ARHGAP6: variants seen among roughly 807,000 people sequenced by gnomAD.
ARHGAP6 encodes rho GTPase-activating protein 6.
A neutral mutation model predicts 55.7 loss-of-function variants in ARHGAP6; 16 were observed. The ratio of observed to expected loss-of-function variants is 0.29; its 90% CI spans 0.19 to 0.44. ARHGAP6 has a LOEUF of 0.44. Ranked by LOEUF, ARHGAP6 falls within the 20% of genes least tolerant of loss-of-function variation. ARHGAP6 has a pLI of 1.00. For missense variants in ARHGAP6, 698 were observed against 808.9 expected (o/e 0.86, Z 1.66); for synonymous variants, 382 against 360.9 (o/e 1.06, Z -0.66).
chrX:11,502,735 C>T (rs763471214), intron 1 of ARHGAP6, among the ~76,000 whole-genome samples: 2 of 111,253 alleles, frequency 1.8e-5, no homozygotes, highest in African/African-American at 6.5e-5. Flanking sequence ...ATTTTCTTTT[C>T]TCTAGCTTAC....
chrX:11,350,541 G>A (rs1319000170), intron 1 of ARHGAP6, among the ~76,000 whole-genome samples: 1 of 111,745 alleles, frequency 8.9e-6, no homozygotes, highest in East Asian at 2.8e-4. Context: ...GTGTAGCTTA[G>A]AAATATCAAG....
intron 8 of ARHGAP6, 76 bp downstream of exon 8, chrX:11,178,024 G>A: frequency 8.6e-7 from 1 of 1,169,068 alleles, no homozygotes; most frequent in Non-Finnish European, 1.2e-6. Context: ...AGGCAAAATG[G>A]CCATTTTGGT....
At chrX:11,589,275 C>G (rs2051775526) in intron 1 of ARHGAP6, among the ~76,000 whole-genome samples, 1 of 108,493 alleles carries the variant, frequency 9.2e-6, no homozygotes, top group African/African-American at 3.4e-5. Flanking sequence ...CTCCTGACCT[C>G]AAGTAATCCT....
intron 1 of ARHGAP6, among the ~76,000 whole-genome samples, chrX:11,530,768 T>C (rs1354297970): frequency 9.0e-6 from 1 of 110,957 alleles, no homozygotes; most frequent in Admixed American, 9.6e-5. Flanking sequence ...CCCCAAAACA[T>C]AGAGAACTTG....
intron 1 of ARHGAP6, among the ~76,000 whole-genome samples, chrX:11,434,216 G>C (rs1217653369): frequency 6.2e-5 from 7 of 112,155 alleles, no homozygotes; most frequent in Non-Finnish European, 1.3e-4. Flanking sequence ...CCAAGGCGGA[G>C]AAATCTTTCA....
chrX:11,362,355 G>A (rs1226965845), intron 1 of ARHGAP6, among the ~76,000 whole-genome samples: 1 of 110,645 alleles, frequency 9.0e-6, no homozygotes, highest in Non-Finnish European at 1.9e-5. Context: ...GTCCTTTGTA[G>A]GGACATGGAT....
intron 7 of ARHGAP6, 118 bp from the exon 8 acceptor site, chrX:11,178,366 A>G (rs745957189): frequency 2.7e-5 from 23 of 855,985 alleles, no homozygotes; most frequent in Non-Finnish European, 3.7e-5. Context: ...TTCCCATTTC[A>G]TGCCTTCACT....
chrX:11,634,075 TA>T (rs1244473387), intron 1 of ARHGAP6, among the ~76,000 whole-genome samples: 2 of 105,197 alleles, frequency 1.9e-5, no homozygotes, highest in Non-Finnish European at 3.9e-5. Flanking sequence ...TGTGCTTGGC[TA>T]TTTTTTTTTT....
intron 1 of ARHGAP6, among the ~76,000 whole-genome samples, chrX:11,457,063 C>T (rs1218449867): frequency 9.0e-6 from 1 of 111,586 alleles, no homozygotes; most frequent in Non-Finnish European, 1.9e-5. Flanking sequence ...TTGGTAGTCA[C>T]AGCTGGAACC....
rs184898699 is a variant in ARHGAP6 at position 11,404,248 on chromosome X, T to C, written c.589-149541A>G. ...CTACCATTGCAAATCATCTCAACTTTTGGCTTAAGAACCTATGAGAGTAGC... is the reference window on the plus strand; with the variant it reads ...CTACCATTGCAAATCATCTCAACTTCTGGCTTAAGAACCTATGAGAGTAGC... On this transcript the variant is annotated intron_variant, in intron 1 of 12. Transcript: ENST00000337414. Among the ~76,000 whole-genome samples, 4 of 111,147 alleles carry C rather than the reference T, an allele frequency of 3.6e-5. No individual in the cohort carries two copies. The East Asian group carries it at 1.1e-3, about 32-fold the overall frequency.
intron 1 of ARHGAP6, among the ~76,000 whole-genome samples, chrX:11,520,752 G>A (rs771252216): frequency 9.0e-6 from 1 of 111,699 alleles, no homozygotes; most frequent in East Asian, 2.8e-4. Flanking sequence ...CTTCCACAGT[G>A]GTTGAACTAG....
At chrX:11,653,447 C>A (rs1292649956) in intron 1 of ARHGAP6, among the ~76,000 whole-genome samples, 1 of 112,496 alleles carries the variant, frequency 8.9e-6, no homozygotes, top group African/African-American at 3.2e-5. Context: ...TGCAGCTGGG[C>A]TTAACTCACT....
At chrX:11,291,357 A>C (rs1198573032) in intron 1 of ARHGAP6, among the ~76,000 whole-genome samples, 1 of 111,722 alleles carries the variant, frequency 9.0e-6, no homozygotes, top group Non-Finnish European at 1.9e-5. Context: ...CCAGTGGTCC[A>C]GAGGAATTAA....
chrX:11,176,105 A>ACT (rs1441770658), intron 8 of ARHGAP6, among the ~76,000 whole-genome samples: 1 of 98,570 alleles, frequency 1.0e-5, no homozygotes, highest in African/African-American at 3.7e-5. Flanking sequence ...CTAATATGCC[A>ACT]CTCGTACAAC....
At chrX:11,500,326 A>G (rs911128412) in intron 1 of ARHGAP6, among the ~76,000 whole-genome samples, 2 of 110,888 alleles carry the variant, frequency 1.8e-5, no homozygotes, top group Non-Finnish European at 3.8e-5. Flanking sequence ...TCCAAAGTAC[A>G]TTTTAATAAT....
chrX:11,323,149 A>G (rs1035048151), intron 1 of ARHGAP6, among the ~76,000 whole-genome samples: 2 of 112,419 alleles, frequency 1.8e-5, no homozygotes, highest in Non-Finnish European at 3.8e-5. Context: ...TTACAGAAAT[A>G]CTTAATTATA....
chrX:11,507,325 G>GCAGCA (rs1360634660), intron 1 of ARHGAP6, among the ~76,000 whole-genome samples: 1 of 111,101 alleles, frequency 9.0e-6, no homozygotes, highest in Non-Finnish European at 1.9e-5. Flanking sequence ...GATGGACATG[G>GCAGCA]CAGCACAGCT....
At position 11,664,648 on chromosome X, in the gene ARHGAP6, T is replaced by G; in HGVS notation, c.181A>C (p.Thr61Pro). 1 of 1,160,158 alleles carries G rather than the reference T, an allele frequency of 8.6e-7. No individual in the cohort carries two copies. The change falls in exon 1 of 13, where the codon ACG becomes CCG. Residue 61 changes from threonine (T) to proline (P), a missense_variant. Around this residue, in one of 3 missense-constraint regions of ARHGAP6, gnomAD observed 164 missense variants for 149.2 expected, o/e 1.10. Transcript: ENST00000337414. ...GATGGGGAGTAGAGGCGGCCCGCCG[T>G]GGCTCCCCGCGCACTGCCCTCCGCG... ...AGAEGSARGA[T>P]AGRLYSPSLP...
intron 1 of ARHGAP6, among the ~76,000 whole-genome samples, chrX:11,523,772 A>T (rs2050960308): frequency 9.0e-6 from 1 of 111,224 alleles, no homozygotes; most frequent in African/African-American, 3.3e-5. Context: ...ACAAAAGTAG[A>T]ACCAGCAAGT....
Sources: gnomAD v4.1 joint callset for allele counts (sites outside exome capture counted in the v4.1 genomes callset) on GRCh38, gnomAD v4.1.1 for gene constraint, gnomAD v4.1.1 regional missense constraint, MANE v1.5 for transcripts, NCBI Gene and HGNC (gene_info 2026-07-23, HGNC 2026-07-21) for gene names.